TCERG1L: variants seen among roughly 807,000 people sequenced by gnomAD.
TCERG1L encodes transcription elongation regulator 1 like, also known as transcription elongation regulator 1-like protein.
A neutral mutation model predicts 56.3 loss-of-function variants in TCERG1L; 37 were observed. The ratio of observed to expected loss-of-function variants is 0.66; its 90% CI spans 0.51 to 0.87. The LOEUF (loss-of-function observed/expected upper bound fraction) is 0.87. Ranked by LOEUF, TCERG1L falls within the 40% of genes least tolerant of loss-of-function variation. The probability of loss-of-function intolerance (pLI) is 0.00; values close to 1 mark genes in which losing one functional copy is unlikely to be tolerated. For synonymous variants in TCERG1L, 324 were observed against 326.3 expected (o/e 0.99, Z 0.08); for missense variants, 799 against 774.2 (o/e 1.03, Z -0.38).
In TCERG1L at chr10:131,311,190, G is replaced by A. The variant is rs1178279784; in HGVS notation, c.342+104C>T. ...GGGTTTGGGGCGGCGAGGACCGCCGGGGAGGAGGGCGCGCGAGCCGGAGGC... is the reference window on the plus strand; with the variant it reads ...GGGTTTGGGGCGGCGAGGACCGCCGAGGAGGAGGGCGCGCGAGCCGGAGGC... On this transcript the variant is annotated intron_variant, in intron 1 of 11. Coordinates refer to ENST00000368642, the MANE Select transcript of TCERG1L (RefSeq NM_174937.4). This position sits in a 1 kb window ranked among gnomAD's most constrained non-coding sequence, Gnocchi z 4.0. 16 of 954,610 alleles carry A rather than the reference G, an allele frequency of 1.7e-5. No homozygotes were observed. In the South Asian group the frequency reaches 3.6e-4, roughly 21 times the overall value. The allele number at this position is 954,610 out of a possible 1,614,324, so 59.1% of individuals were successfully genotyped here.
chr10:131,287,322 A>G (rs765805989), intron 3 of TCERG1L, among the ~76,000 whole-genome samples: 7 of 152,232 alleles, frequency 4.6e-5, no homozygotes, highest in Non-Finnish European at 7.3e-5. Context: ...TCTGTATCCT[A>G]TCTGTAAGTT....
chr10:131,130,612 A>C (rs1236271924), intron 8 of TCERG1L, among the ~76,000 whole-genome samples: 1 of 152,236 alleles, frequency 6.6e-6, no homozygotes, highest in East Asian at 1.9e-4. Flanking sequence ...AGTGATGATC[A>C]CGCTGAAGAG....
intron 3 of TCERG1L, among the ~76,000 whole-genome samples, chr10:131,274,712 C>T (rs1000411989): frequency 6.6e-6 from 1 of 152,234 alleles, no homozygotes; most frequent in Admixed American, 6.5e-5. Context: ...CTCCCAGGCC[C>T]CAGGAGGGGA....
intron 4 of TCERG1L, among the ~76,000 whole-genome samples, chr10:131,207,104 T>C (rs1411522657): frequency 2.0e-5 from 3 of 152,228 alleles, no homozygotes; most frequent in African/African-American, 4.8e-5. Flanking sequence ...TGCTGGCCAC[T>C]GGCCAAGAAA....
At chr10:131,166,298 T>C (rs1255410263) in intron 5 of TCERG1L, among the ~76,000 whole-genome samples, 1 of 152,232 alleles carries the variant, frequency 6.6e-6, no homozygotes, top group Non-Finnish European at 1.5e-5. Flanking sequence ...ATTTGTGATT[T>C]TGAAATGCAG....
chr10:131,105,402 C>T (rs913226222), intron 9 of TCERG1L, among the ~76,000 whole-genome samples: 6 of 152,098 alleles, frequency 3.9e-5, no homozygotes, highest in African/African-American at 1.4e-4. Flanking sequence ...GCTCCACTTC[C>T]GAGGAGAAGT....
intron 11 of TCERG1L, chr10:131,095,779 C>T (rs1349920700): frequency 4.0e-5 from 6 of 151,864 alleles, no homozygotes; most frequent in African/African-American, 1.4e-4. Context: ...TAAAAAATAG[C>T]AGGCAATTAA....
At chr10:131,134,759 G>A (rs1377223465) in intron 7 of TCERG1L, among the ~76,000 whole-genome samples, 1 of 152,132 alleles carries the variant, frequency 6.6e-6, no homozygotes, top group Non-Finnish European at 1.5e-5. Flanking sequence ...GCCTCAAGAC[G>A]AGGCCTGGGA....
intron 4 of TCERG1L, among the ~76,000 whole-genome samples, chr10:131,245,848 T>C (rs1564824554): frequency 6.6e-6 from 1 of 152,124 alleles, no homozygotes; most frequent in Admixed American, 6.6e-5. Flanking sequence ...ATGGAAGGGC[T>C]GGCCAGGAGT....
intron 3 of TCERG1L, among the ~76,000 whole-genome samples, chr10:131,263,765 T>C (rs1846256217): frequency 6.6e-6 from 1 of 152,220 alleles, no homozygotes; most frequent in Admixed American, 6.5e-5. Context: ...CCAGAAGTTT[T>C]GATGCACTAG....
rs1846295113 is a variant in TCERG1L, at chr10:131,267,058, A to C, written c.671-6614T>G. Among the ~76,000 whole-genome samples the C allele has an allele frequency of 6.6e-6, 1 of 151,756 alleles. No individual in the cohort carries two copies. On this transcript the variant is annotated intron_variant, in intron 3 of 11. Transcript: ENST00000368642. The surrounding 1 kb of genome is among the most constrained non-coding windows in gnomAD (Gnocchi z 4.9). Reference sequence around the variant, plus strand: ...CTCCCTGGCCTGAAGGTGCATCCTCATCTGGAACCCACTCCTTCACACCCA... The same window carrying C: ...CTCCCTGGCCTGAAGGTGCATCCTCCTCTGGAACCCACTCCTTCACACCCA...
At chr10:131,290,483 T>C (rs538570299) in intron 3 of TCERG1L, among the ~76,000 whole-genome samples, 201 of 151,986 alleles carry the variant, frequency 1.3e-3, no homozygotes, top group Middle Eastern at 6.8e-3. Context: ...AATACAAAAT[T>C]AGCCAGGCGT....
At chr10:131,246,209 G>C (rs1462528467) in intron 4 of TCERG1L, among the ~76,000 whole-genome samples, 1 of 152,236 alleles carries the variant, frequency 6.6e-6, no homozygotes, top group Non-Finnish European at 1.5e-5. Context: ...CAGTGGCAGA[G>C]GGGTGGCTGC....
chr10:131,309,069 C>T (rs571321271), intron 2 of TCERG1L, 84 bp downstream of exon 2: 4 of 1,483,846 alleles, frequency 2.7e-6, no homozygotes, highest in African/African-American at 1.4e-5. Flanking sequence ...CAAGAAAATA[C>T]ATGGGTATTT....
chr10:131,301,218 G>GGGGTT (rs1192453043), intron 3 of TCERG1L, among the ~76,000 whole-genome samples: 1 of 151,878 alleles, frequency 6.6e-6, no homozygotes, highest in East Asian at 1.9e-4. Context: ...TTCAAGACTG[G>GGGGTT]GGGTTTCTTA....
chr10:131,211,189 AG>A (rs1845615440), intron 4 of TCERG1L, among the ~76,000 whole-genome samples: 1 of 152,196 alleles, frequency 6.6e-6, no homozygotes, highest in Non-Finnish European at 1.5e-5. Flanking sequence ...TCCCTGCTGG[AG>A]GCACCGTGGC....
At chr10:131,220,074 G>A (rs1845713828) in intron 4 of TCERG1L, among the ~76,000 whole-genome samples, 1 of 152,156 alleles carries the variant, frequency 6.6e-6, no homozygotes, top group Non-Finnish European at 1.5e-5. Flanking sequence ...ACAGGCCCTG[G>A]ACCCGGGCTG....
chr10:131,176,927 CAG>C (rs201116496), intron 4 of TCERG1L, among the ~76,000 whole-genome samples: 1 of 29,646 alleles, frequency 3.4e-5, no homozygotes, highest in Admixed American at 2.6e-4. Flanking sequence ...TACATGCACA[CAG>C]ACACGTGAAC....
intron 4 of TCERG1L, among the ~76,000 whole-genome samples, chr10:131,242,701 A>C (rs1272653758): frequency 6.6e-6 from 1 of 152,178 alleles, no homozygotes; most frequent in African/African-American, 2.4e-5. Context: ...TGCATTCCAA[A>C]ATACTCCAAA....
Sources: gnomAD v4.1 joint callset for allele counts (sites outside exome capture counted in the v4.1 genomes callset) on GRCh38, gnomAD v4.1.1 for gene constraint, Gnocchi (gnomAD v3.1) non-coding constraint, MANE v1.5 for transcripts, NCBI Gene and HGNC (gene_info 2026-07-23, HGNC 2026-07-21) for gene names.